The following ZNF532 variants were observed in gnomAD, a reference collection of about 807,000 sequenced individuals.
The protein encoded by ZNF532 is zinc finger protein 532.
In ZNF532, 22 loss-of-function variants were observed where a neutral mutation model predicts 89.3. The ratio of observed to expected loss-of-function variants is 0.25; its 90% CI spans 0.18 to 0.35. The LOEUF is 0.35. Among genes scored for constraint, ZNF532 ranks in the 10% least tolerant of loss-of-function variants. ZNF532 has a pLI of 1.00. For missense variants in ZNF532, 1,132 were observed against 1,643.4 expected (o/e 0.69, Z 5.38); for synonymous variants, 606 against 649.6 (o/e 0.93, Z 1.02).
chr18:58,978,044 C>T (rs1266315047), intron 7 of ZNF532, among the ~76,000 whole-genome samples: 2 of 152,160 alleles, frequency 1.3e-5, no homozygotes, highest in Non-Finnish European at 2.9e-5. Flanking sequence ...CATGTCATAA[C>T]CAAAGAATTT....
chr18:58,887,419 A>G (rs1008221119), intron 2 of ZNF532, among the ~76,000 whole-genome samples: 6 of 152,242 alleles, frequency 3.9e-5, no homozygotes, highest in African/African-American at 1.4e-4. Context: ...TCACGCTCAC[A>G]GCAAGTCAGC....
chr18:58,876,410 T>C (rs985222116), intron 2 of ZNF532, among the ~76,000 whole-genome samples: 1 of 152,152 alleles, frequency 6.6e-6, no homozygotes, highest in African/African-American at 2.4e-5. Context: ...TCCTCTCTGC[T>C]TCCAAAGCGA....
At chr18:58,975,763 AC>A (rs1218135561) in intron 7 of ZNF532, among the ~76,000 whole-genome samples, 3 of 152,240 alleles carry the variant, frequency 2.0e-5, no homozygotes, top group African/African-American at 7.2e-5. Flanking sequence ...AACTTTGGAA[AC>A]CCTGCCAGCT....
At chr18:58,878,495 G>A (rs1296627361) in intron 2 of ZNF532, among the ~76,000 whole-genome samples, 1 of 152,212 alleles carries the variant, frequency 6.6e-6, no homozygotes, top group African/African-American at 2.4e-5. Flanking sequence ...GAATGAATGA[G>A]TGAGTTGGTG....
chr18:58,889,404 C>G (rs999890130), intron 2 of ZNF532, among the ~76,000 whole-genome samples: 2 of 152,184 alleles, frequency 1.3e-5, no homozygotes, highest in African/African-American at 4.8e-5. Flanking sequence ...TGTACTTGTA[C>G]TTTTTCTGTA....
At chr18:58,889,320 A>G (rs1842923604) in intron 2 of ZNF532, among the ~76,000 whole-genome samples, 1 of 152,172 alleles carries the variant, frequency 6.6e-6, no homozygotes, top group South Asian at 2.1e-4. Context: ...TGCCACAAAT[A>G]AAGAGGGATG....
intron 3 of ZNF532, chr18:58,934,098 ATATT>A (rs2062173672): frequency 5.2e-6 from 1 of 193,166 alleles, no homozygotes; most frequent in Non-Finnish European, 1.1e-5. Context: ...TTGTTACTAT[ATATT>A]AAAGTCTTTT....
chr18:58,967,438 T>A (rs1445261649), intron 7 of ZNF532, among the ~76,000 whole-genome samples: 3 of 152,172 alleles, frequency 2.0e-5, no homozygotes, highest in African/African-American at 7.2e-5. Context: ...TTCTTCCTTG[T>A]CTTTGTTGCT....
intron 7 of ZNF532, among the ~76,000 whole-genome samples, chr18:58,964,526 A>G (rs893473029): frequency 2.9e-5 from 4 of 135,974 alleles, no homozygotes; most frequent in Admixed American, 7.4e-5. Flanking sequence ...ACTGGAATTG[A>G]TATTTTGTTT....
intron 3 of ZNF532, chr18:58,931,525 G>A (rs1293100239): frequency 6.6e-6 from 1 of 152,204 alleles, no homozygotes; most frequent in Non-Finnish European, 1.5e-5. Flanking sequence ...CAGGAACAGT[G>A]AATACAACTT....
At chr18:58,888,374 C>CT (rs1274347948) in intron 2 of ZNF532, among the ~76,000 whole-genome samples, 1 of 151,872 alleles carries the variant, frequency 6.6e-6, no homozygotes, top group Non-Finnish European at 1.5e-5. Context: ...TGTAAGTTTT[C>CT]TTTTCAGAAA....
chr18:58,872,236 A>T (rs934000390), intron 2 of ZNF532, among the ~76,000 whole-genome samples: 1 of 151,936 alleles, frequency 6.6e-6, no homozygotes, highest in African/African-American at 2.4e-5. Context: ...TTATTATTAC[A>T]GCTTTACATA....
Position 58,919,620 on chromosome 18 carries a change from A to G in ZNF532, c.1333A>G (p.Ile445Val). 6.2e-7 allele frequency: 1 copy of G among 1,614,134 alleles called. No individual in the cohort carries two copies. The highest frequency in any genetic ancestry group is 8.5e-7 in the Non-Finnish European group (1 of 1,180,030). Residue 445 changes from isoleucine (I) to valine (V), a missense_variant, in exon 3 of 10, where the codon ATC (isoleucine) becomes GTC (valine). Coordinates refer to ENST00000591808, the MANE Select transcript of ZNF532 (RefSeq NM_001375912.1). This position sits in a 1 kb window ranked among gnomAD's most constrained non-coding sequence, Gnocchi z 6.1. Reference sequence around the variant, plus strand: ...AGAGCTCACCCCCAAACAGGTCACAATCAAGCCTGTGGCTACTGCTTTCCT... The same window carrying G: ...AGAGCTCACCCCCAAACAGGTCACAGTCAAGCCTGTGGCTACTGCTTTCCT... ...PAELTPKQVTIKPVATAFLPV... is the reference protein window; with the variant it reads ...PAELTPKQVTVKPVATAFLPV...
chr18:58,981,418 A>G lies in ZNF532; in HGVS notation c.3264-52A>G, dbSNP rs1162911010. ...GACCTTCGACCGTGAGTTCTTCCAC[A>G]GGAGCTTATTTTGTCAGCAAGTGCG... On this transcript the variant is annotated intron_variant, in intron 8 of 9. Transcript: ENST00000591808. The G allele has an allele frequency of 1.9e-6, 3 of 1,588,082 alleles. No homozygotes were observed. In the African/African-American group the frequency reaches 4.1e-5, roughly 21 times the overall value.
Position 58,918,236 on chromosome 18 carries a change from A to G in ZNF532, c.-17-35A>G, listed in dbSNP as rs770765054. 1.9e-6 allele frequency: 3 copies of G among 1,561,038 alleles called. No homozygotes were observed. In the South Asian group the frequency reaches 3.6e-5, roughly 18 times the overall value. ...TTTATCTCATCGTGAGGAAATACCA[A>G]TTACTGATGGAACTATTTTCTGCTC... On this transcript the variant is annotated intron_variant, in intron 2 of 9. Transcript: ENST00000591808.
At chr18:58,975,533 C>T (rs568114793) in intron 7 of ZNF532, among the ~76,000 whole-genome samples, 7 of 152,258 alleles carry the variant, frequency 4.6e-5, no homozygotes, top group South Asian at 4.2e-4. Context: ...AAGTGCTCTC[C>T]GGGAAGAATG....
chr18:58,885,620 C>T (rs544726273), intron 2 of ZNF532, among the ~76,000 whole-genome samples: 4 of 151,918 alleles, frequency 2.6e-5, no homozygotes, highest in South Asian at 2.1e-4. Flanking sequence ...TTTGGGAGGC[C>T]GAGGAGGGTG....
At chr18:58,979,202 G>A in intron 8 of ZNF532, 35 bp downstream of exon 8, 2 of 1,559,052 alleles carry the variant, frequency 1.3e-6, no homozygotes, top group Non-Finnish European at 1.8e-6. Flanking sequence ...GCAGTGAGAG[G>A]ACTCAGGAGG....
At chr18:58,954,010 A>T (rs1034248238) in intron 7 of ZNF532, 38 of 985,286 alleles carry the variant, frequency 3.9e-5, no homozygotes, top group Non-Finnish European at 4.3e-5. Context: ...TTGCCTTCAC[A>T]TGCACTCCTC....
Sources: gnomAD v4.1 joint callset for allele counts (sites outside exome capture counted in the v4.1 genomes callset) on GRCh38, gnomAD v4.1.1 for gene constraint, Gnocchi (gnomAD v3.1) non-coding constraint, MANE v1.5 for transcripts, NCBI Gene and HGNC (gene_info 2026-07-23, HGNC 2026-07-21) for gene names.